The following IGF1R variants were observed in gnomAD, a reference collection of about 807,000 sequenced individuals.
IGF1R encodes the protein insulin-like growth factor 1 receptor.
Under a neutral mutation model 144.6 loss-of-function variants are expected in IGF1R, and 44 were observed. The observed-to-expected ratio is 0.30, with a 90% CI of 0.24 to 0.39. IGF1R has a LOEUF of 0.39. Ranked by LOEUF, IGF1R falls within the 10% of genes least tolerant of loss-of-function variation. IGF1R has a pLI of 1.00. For synonymous variants in IGF1R, 795 were observed against 722.8 expected, an observed-to-expected ratio of 1.10 and a Z score of -1.60; for missense variants, 1,355 against 1,833.7, an observed-to-expected ratio of 0.74 and a Z score of 4.77.
At chr15:98,954,914 G>A (rs1479063771) in intron 20 of IGF1R, among the ~76,000 whole-genome samples, 3 of 152,178 alleles carry the variant, frequency 2.0e-5, no homozygotes, top group African/African-American at 4.8e-5. Flanking sequence ...GGACAGTTAG[G>A]TGAGGGAGGG....
intron 1 of IGF1R, among the ~76,000 whole-genome samples, chr15:98,674,391 C>T (rs1041264537): frequency 1.3e-5 from 2 of 152,104 alleles, no homozygotes; most frequent in Non-Finnish European, 2.9e-5. Flanking sequence ...CCAAGATCAC[C>T]GTCAATATCA....
intron 15 of IGF1R, among the ~76,000 whole-genome samples, chr15:98,933,755 A>G (rs981339838): frequency 2.2e-5 from 1 of 45,240 alleles, no homozygotes; most frequent in African/African-American, 1.1e-4. Flanking sequence ...CTGAGTTCAC[A>G]GAGCCCAGGC....
Position 98,830,664 on chromosome 15 carries a change from C to T in IGF1R, c.641-60661C>T, listed in dbSNP as rs1295200031. ...TGTCACCCAGGCTGGAGTACAGTGG[C>T]GCCATCTTGGCTCACTGCAACCTCC... On this transcript the variant is annotated intron_variant, in intron 2 of 20. Transcript: ENST00000650285. 5.4e-5 allele frequency among the ~76,000 whole-genome samples: 8 copies of T among 147,204 alleles called. No individual in the cohort carries two copies. In the East Asian group the frequency reaches 6.1e-4, roughly 11 times the overall value.
intron 10 of IGF1R, among the ~76,000 whole-genome samples, chr15:98,919,631 C>G (rs984564010): frequency 6.6e-6 from 1 of 152,176 alleles, no homozygotes; most frequent in Non-Finnish European, 1.5e-5. Context: ...GTTTATCTGT[C>G]CCCCGAGTCC....
At chr15:98,747,926 A>G (rs1263879446) in intron 2 of IGF1R, among the ~76,000 whole-genome samples, 1 of 152,308 alleles carries the variant, frequency 6.6e-6, no homozygotes, top group Admixed American at 6.5e-5. Context: ...TGATTTACAT[A>G]TATTTCATGT....
intron 2 of IGF1R, among the ~76,000 whole-genome samples, chr15:98,830,686 C>T (rs2056986004): frequency 6.6e-6 from 1 of 151,536 alleles, no homozygotes; most frequent in Non-Finnish European, 1.5e-5. Context: ...TCACTGCAAC[C>T]TCCCACTTCT....
intron 2 of IGF1R, among the ~76,000 whole-genome samples, chr15:98,801,994 A>C (rs1453741858): frequency 6.6e-6 from 1 of 152,100 alleles, no homozygotes; most frequent in Non-Finnish European, 1.5e-5. Flanking sequence ...TTGTGCACCA[A>C]AGTCCCTTTC....
At chr15:98,775,365 C>T (rs995107438) in intron 2 of IGF1R, among the ~76,000 whole-genome samples, 3 of 152,156 alleles carry the variant, frequency 2.0e-5, no homozygotes, top group African/African-American at 4.8e-5. Context: ...AGCCAGGCTG[C>T]CACCCCCACC....
chr15:98,865,380 A>G (rs2012373614), intron 2 of IGF1R, among the ~76,000 whole-genome samples: 1 of 152,190 alleles, frequency 6.6e-6, no homozygotes, highest in African/African-American at 2.4e-5. Context: ...ACAGGCGTGG[A>G]TCTGGGTTTG....
intron 2 of IGF1R, among the ~76,000 whole-genome samples, chr15:98,764,677 A>C (rs759593732): frequency 6.6e-6 from 1 of 152,256 alleles, no homozygotes; most frequent in Non-Finnish European, 1.5e-5. Context: ...TCGTCTTCGA[A>C]TAATTCTTTT....
intron 2 of IGF1R, among the ~76,000 whole-genome samples, chr15:98,713,646 G>A (rs186157019): frequency 5.3e-5 from 8 of 152,144 alleles, no homozygotes; most frequent in East Asian, 1.9e-4. Context: ...TGGGAGGGAC[G>A]GAGGTGAATC....
At position 98,926,674 on chromosome 15, in the gene IGF1R, TACAG is replaced by T. The variant is rs555508543; in HGVS notation, c.2782+1995_2782+1998del. Among the ~76,000 whole-genome samples, 150 of 152,304 alleles carry T rather than the reference TACAG, an allele frequency of 9.8e-4. 1 individual carries two copies. The highest frequency in any genetic ancestry group is 3.4e-3 in the African/African-American group (142 of 41,564). On this transcript the variant is annotated intron_variant, in intron 13 of 20. Transcript: ENST00000650285. ...TGTTTGTGATATCTGAAAATCCTAA[TACAG>T]ACAGCAAAAGCAGGATGGGGTGAAT...
chr15:98,844,138 A>G lies in IGF1R; in HGVS notation c.641-47187A>G, dbSNP rs77605019. ...GCAGTGGAATGTAAAATAGAATTAC[A>G]TGAGATATGACATATGGCTATGTGT... is the stretch of plus-strand genomic sequence containing the variant. On this transcript the variant is annotated intron_variant, in intron 2 of 20. Coordinates refer to ENST00000650285, the MANE Select transcript of IGF1R (RefSeq NM_000875.5). Among the ~76,000 whole-genome samples the G allele has an allele frequency of 1.8e-3, 278 of 152,346 alleles. 4 individuals are homozygous for G. In the East Asian group the frequency reaches 0.048, roughly 26 times the overall value.
At chr15:98,683,645 C>T (rs1596181519) in intron 1 of IGF1R, among the ~76,000 whole-genome samples, 1 of 152,168 alleles carries the variant, frequency 6.6e-6, no homozygotes, top group South Asian at 2.1e-4. Flanking sequence ...AAGTCGGTAT[C>T]CTCTTATATA....
At chr15:98,917,241 C>G (rs566545551) in intron 10 of IGF1R, among the ~76,000 whole-genome samples, 1 of 152,192 alleles carries the variant, frequency 6.6e-6, no homozygotes, top group Non-Finnish European at 1.5e-5. Context: ...TTGGGTCCAT[C>G]TCTGCCCTTC....
At position 98,911,286 on chromosome 15, in the gene IGF1R, G is replaced by C. The variant is rs750233907; in HGVS notation, c.1463-29G>C. On this transcript the variant is annotated intron_variant, in intron 6 of 20. Transcript: ENST00000650285. ...GCTTTTCAGAGACACATGAATCTCT[G>C]TCACTCACGGATGTACTCTTTGCCC... 6.2e-6 allele frequency: 10 copies of C among 1,613,736 alleles called. No individual in the cohort carries two copies. The South Asian group carries it at 9.9e-5, about 16-fold the overall frequency.
chr15:98,760,218 G>A (rs947646294), intron 2 of IGF1R, among the ~76,000 whole-genome samples: 1 of 151,958 alleles, frequency 6.6e-6, no homozygotes. Context: ...GGGCATGGTG[G>A]TGCACATCTG....
At chr15:98,906,900 G>GC (rs2014759416) in intron 5 of IGF1R, among the ~76,000 whole-genome samples, 1 of 152,212 alleles carries the variant, frequency 6.6e-6, no homozygotes, top group South Asian at 2.1e-4. Flanking sequence ...CCCTGTGCTG[G>GC]CAGGACTCCA....
At chr15:98,827,907 A>G (rs1362198486) in intron 2 of IGF1R, among the ~76,000 whole-genome samples, 8 of 152,196 alleles carry the variant, frequency 5.3e-5, no homozygotes, top group Admixed American at 5.2e-4. Context: ...GGTATTCTGC[A>G]GTGGAGAATG....
Sources: allele counts gnomAD v4.1 joint callset (sites outside exome capture counted in the v4.1 genomes callset), GRCh38; gene constraint gnomAD v4.1.1; transcripts MANE v1.5; gene names NCBI Gene and HGNC (gene_info 2026-07-23, HGNC 2026-07-21).